The following FSTL5 variants were observed in gnomAD, a reference collection of about 807,000 sequenced individuals.
The protein encoded by FSTL5 is follistatin like 5, also known as follistatin-related protein 5.
Under a neutral mutation model 89.1 loss-of-function variants are expected in FSTL5, and 62 were observed. The observed-to-expected ratio is 0.70, with a 90% CI of 0.57 to 0.86. FSTL5 has a LOEUF of 0.86. Ranked by LOEUF, FSTL5 falls within the 40% of genes least tolerant of loss-of-function variation. The pLI is 0.00. For missense variants in FSTL5, 1,057 were observed against 1,001.6 expected, an observed-to-expected ratio of 1.06 and a Z score of -0.75; for synonymous variants, 383 against 346.2, an observed-to-expected ratio of 1.11 and a Z score of -1.18.
At position 161,500,038 on chromosome 4, in the gene FSTL5, C is replaced by T; in HGVS notation, c.1436G>A (p.Ser479Asn). ...ECEFQRHIKP[S>N]EKLLGFQDEV... Reference sequence around the variant, plus strand: ...TGCCTGAAATCCAAGGAGCTTTTCACTAGGCTTAATGTGCCTCTGAAATTC... The same window carrying T: ...TGCCTGAAATCCAAGGAGCTTTTCATTAGGCTTAATGTGCCTCTGAAATTC... Residue 479 changes from serine to asparagine, a missense_variant, in exon 12 of 16, where the codon AGT becomes AAT. Transcript: ENST00000306100. The T allele has an allele frequency of 6.2e-7, 1 of 1,605,730 alleles. No individual in the cohort carries two copies. The highest frequency in any genetic ancestry group is 8.5e-7 in the Non-Finnish European group (1 of 1,174,266).
At chr4:161,691,969 T>C (rs1737957699) in intron 6 of FSTL5, among the ~76,000 whole-genome samples, 1 of 152,046 alleles carries the variant, frequency 6.6e-6, no homozygotes, top group African/African-American at 2.4e-5. Context: ...ATATACACAA[T>C]ATGTATATTC....
chr4:161,979,738 A>G (rs1322949911), intron 3 of FSTL5, among the ~76,000 whole-genome samples: 1 of 152,106 alleles, frequency 6.6e-6, no homozygotes, highest in Non-Finnish European at 1.5e-5. Flanking sequence ...TTTATTTTCT[A>G]TGATAACAAC....
chr4:162,046,182 G>A (rs1474978971), intron 2 of FSTL5, among the ~76,000 whole-genome samples: 2 of 152,082 alleles, frequency 1.3e-5, no homozygotes, highest in Admixed American at 6.6e-5. Flanking sequence ...CTATTAAATA[G>A]GGGTTAACTA....
chr4:161,573,239 A>G (rs968851859), intron 8 of FSTL5, among the ~76,000 whole-genome samples: 7 of 151,798 alleles, frequency 4.6e-5, no homozygotes, highest in African/African-American at 1.7e-4. Context: ...GCAAAAACCC[A>G]TCTCTACTAA....
chr4:161,593,457 T>C (rs1382007419), intron 7 of FSTL5, among the ~76,000 whole-genome samples: 2 of 151,076 alleles, frequency 1.3e-5, no homozygotes, highest in Non-Finnish European at 2.9e-5. Flanking sequence ...AATCTGACCT[T>C]GAAAATGATA....
chr4:161,594,728 AC>A (rs1477536435), intron 7 of FSTL5, among the ~76,000 whole-genome samples: 6 of 152,042 alleles, frequency 3.9e-5, no homozygotes, highest in Admixed American at 6.6e-5. Flanking sequence ...AATGAGCTAG[AC>A]TTTAACTAAT....
At chr4:161,520,094 T>C (rs1730973088) in intron 10 of FSTL5, among the ~76,000 whole-genome samples, 1 of 152,050 alleles carries the variant, frequency 6.6e-6, no homozygotes, top group African/African-American at 2.4e-5. Flanking sequence ...TAGGGCTATA[T>C]GAGAACTCTC....
At chr4:161,930,102 G>A (rs1734246167) in intron 3 of FSTL5, among the ~76,000 whole-genome samples, 1 of 151,718 alleles carries the variant, frequency 6.6e-6, no homozygotes, top group African/African-American at 2.4e-5. Context: ...AATCAGTGAT[G>A]TAGTGATTAG....
At chr4:161,816,096 C>G (rs1730318374) in intron 4 of FSTL5, among the ~76,000 whole-genome samples, 1 of 152,284 alleles carries the variant, frequency 6.6e-6, no homozygotes, top group Non-Finnish European at 1.5e-5. Flanking sequence ...CATGAATCCA[C>G]TGGAGTGCAG....
At chr4:161,853,330 C>G (rs899321688) in intron 4 of FSTL5, among the ~76,000 whole-genome samples, 1 of 151,954 alleles carries the variant, frequency 6.6e-6, no homozygotes, top group Non-Finnish European at 1.5e-5. Flanking sequence ...TGCAGTGGCA[C>G]GATCTCGGCT....
intron 6 of FSTL5, among the ~76,000 whole-genome samples, chr4:161,670,034 T>A (rs1483177533): frequency 1.3e-5 from 2 of 152,144 alleles, no homozygotes; most frequent in Non-Finnish European, 2.9e-5. Flanking sequence ...AAATACTATG[T>A]TTGATTTGAA....
intron 4 of FSTL5, among the ~76,000 whole-genome samples, chr4:161,811,403 G>GA (rs1730142341): frequency 6.6e-6 from 1 of 152,090 alleles, no homozygotes; most frequent in Non-Finnish European, 1.5e-5. Flanking sequence ...CCGAGCATTT[G>GA]AATTATTGAG....
intron 3 of FSTL5, among the ~76,000 whole-genome samples, chr4:161,964,110 C>T (rs777448733): frequency 1.3e-5 from 2 of 151,940 alleles, no homozygotes; most frequent in Non-Finnish European, 2.9e-5. Context: ...TGAGCCTCTA[C>T]TGAATTCTGA....
chr4:162,012,731 T>C (rs565903029), intron 3 of FSTL5, among the ~76,000 whole-genome samples: 1 of 152,268 alleles, frequency 6.6e-6, no homozygotes, highest in East Asian at 1.9e-4. Flanking sequence ...ATGAAATACA[T>C]GTTGAGAGAA....
chr4:161,592,584 C>A (rs940482064), intron 7 of FSTL5, among the ~76,000 whole-genome samples: 1 of 152,074 alleles, frequency 6.6e-6, no homozygotes, highest in African/African-American at 2.4e-5. Context: ...TCATCCATGT[C>A]GCTGCAAAGG....
At chr4:161,857,312 T>C (rs1005575347) in intron 4 of FSTL5, among the ~76,000 whole-genome samples, 1 of 152,150 alleles carries the variant, frequency 6.6e-6, no homozygotes, top group Non-Finnish European at 1.5e-5. Context: ...GCACGTGAAA[T>C]AGAAGGGAAA....
At chr4:162,145,645 C>T (rs548668185) in intron 1 of FSTL5, among the ~76,000 whole-genome samples, 3 of 152,090 alleles carry the variant, frequency 2.0e-5, no homozygotes, top group African/African-American at 7.2e-5. Flanking sequence ...CTCTTAAATA[C>T]TCCCAGATGG....
At chr4:161,702,424 C>A (rs565998869) in intron 6 of FSTL5, among the ~76,000 whole-genome samples, 2 of 152,222 alleles carry the variant, frequency 1.3e-5, no homozygotes, top group African/African-American at 4.8e-5. Flanking sequence ...TAGGAGGTTT[C>A]CATAGATAAT....
chr4:161,877,435 T>G (rs1319235422), intron 4 of FSTL5, among the ~76,000 whole-genome samples: 1 of 150,882 alleles, frequency 6.6e-6, no homozygotes, highest in Non-Finnish European at 1.5e-5. Flanking sequence ...AGAAAAAATA[T>G]TTTTACTAAG....
Sources: gnomAD v4.1 joint callset for allele counts (sites outside exome capture counted in the v4.1 genomes callset) on GRCh38, gnomAD v4.1.1 for gene constraint, MANE v1.5 for transcripts, NCBI Gene and HGNC (gene_info 2026-07-23, HGNC 2026-07-21) for gene names.